The following ZRANB3 variants were observed in gnomAD, a reference collection of about 807,000 sequenced individuals.
ZRANB3 encodes DNA annealing helicase and endonuclease ZRANB3.
Under a neutral mutation model 133.8 loss-of-function variants are expected in ZRANB3, and 125 were observed. That is an observed-to-expected ratio of 0.93 (90% CI 0.81 to 1.08). The LOEUF is 1.08. Among genes scored for constraint, ZRANB3 ranks in the 50% least tolerant of loss-of-function variants. The probability of loss-of-function intolerance (pLI) is 0.00; values close to 1 mark genes in which losing one functional copy is unlikely to be tolerated. For synonymous variants in ZRANB3, 387 were observed against 432.7 expected (o/e 0.89, Z 1.31); for missense variants, 1,229 against 1,275.5 (o/e 0.96, Z 0.56).
chr2:135,470,308 A>C (rs1189404578), intron 2 of ZRANB3, among the ~76,000 whole-genome samples: 1 of 151,768 alleles, frequency 6.6e-6, no homozygotes, highest in African/African-American at 2.4e-5. Flanking sequence ...TGGGTGACAG[A>C]GTGAGACTCT....
chr2:135,346,242 G>A lies in ZRANB3; in HGVS notation c.592-607C>T, dbSNP rs538737530. Among the ~76,000 whole-genome samples the A allele has an allele frequency of 2.6e-5, 4 of 152,084 alleles. No individual in the cohort carries two copies. In the East Asian group the frequency reaches 5.8e-4, roughly 22 times the overall value. On this transcript the variant is annotated intron_variant, in intron 5 of 20. Coordinates refer to ENST00000264159, the MANE Select transcript of ZRANB3 (RefSeq NM_032143.4). The stretch of plus-strand genomic sequence containing the variant: ...CTCCCGAGTAGCTTGGAGTACAGAC[G>A]CCCACCACCATGCCCGGCTAATTTT...
Position 135,368,838 on chromosome 2 carries a change from A to T in ZRANB3, c.181-15210T>A, listed in dbSNP as rs186443197. Among the ~76,000 whole-genome samples, 21 of 152,208 alleles carry T rather than the reference A, an allele frequency of 1.4e-4. No individual in the cohort carries two copies. In the East Asian group the frequency reaches 3.9e-3, roughly 28 times the overall value. ...CCATGAATTAATGATCTATTATAAA[A>T]TAACCTAAAACGTAAATTTCAAATA... On this transcript the variant is annotated intron_variant, in intron 3 of 20. Coordinates refer to ENST00000264159, the MANE Select transcript of ZRANB3 (RefSeq NM_032143.4).
intron 8 of ZRANB3, among the ~76,000 whole-genome samples, chr2:135,291,595 T>A (rs930883457): frequency 5.9e-5 from 9 of 151,916 alleles, no homozygotes; most frequent in East Asian, 1.9e-4. Context: ...TTTATTTTTT[T>A]AATTTTATTA....
intron 2 of ZRANB3, among the ~76,000 whole-genome samples, chr2:135,434,159 A>G (rs80024439): frequency 0.19 from 29,017 of 152,130 alleles, 3,715 homozygotes; most frequent in African/African-American, 0.34. Flanking sequence ...GAGAGACTCC[A>G]TCTCAAAAAA....
chr2:135,236,989 C>G (rs561261197), intron 12 of ZRANB3, among the ~76,000 whole-genome samples: 1 of 152,130 alleles, frequency 6.6e-6, no homozygotes, highest in African/African-American at 2.4e-5. Context: ...AAACTACCAT[C>G]AGAGTGAACA....
chr2:135,444,392 T>C (rs560044095), intron 2 of ZRANB3, among the ~76,000 whole-genome samples: 2 of 152,256 alleles, frequency 1.3e-5, no homozygotes, highest in South Asian at 4.1e-4. Flanking sequence ...AGTAAATTTA[T>C]AAACAAAATG....
intron 8 of ZRANB3, among the ~76,000 whole-genome samples, chr2:135,288,113 T>C (rs1182747130): frequency 6.6e-6 from 1 of 152,192 alleles, no homozygotes; most frequent in Admixed American, 6.5e-5. Flanking sequence ...GTCCCCTCTA[T>C]GATGATTTGC....
chr2:135,472,513 A>C (rs1252288772), intron 2 of ZRANB3, among the ~76,000 whole-genome samples: 2 of 144,884 alleles, frequency 1.4e-5, no homozygotes, highest in African/African-American at 5.6e-5. Context: ...AAAAAAAAAA[A>C]AAAAAAACTC....
At chr2:135,320,860 C>T (rs1364547019) in intron 6 of ZRANB3, among the ~76,000 whole-genome samples, 2 of 152,194 alleles carry the variant, frequency 1.3e-5, no homozygotes, top group Admixed American at 1.3e-4. Context: ...CAGTTCTGCA[C>T]ATTCTGGAAT....
At chr2:135,315,739 T>A (rs948141563) in intron 6 of ZRANB3, among the ~76,000 whole-genome samples, 6 of 152,226 alleles carry the variant, frequency 3.9e-5, no homozygotes, top group Admixed American at 3.3e-4. Context: ...GATGTTAGTG[T>A]CTAAGCATAC....
chr2:135,390,739 A>G, intron 3 of ZRANB3, 63 bp downstream of exon 3: 1 of 1,546,938 alleles, frequency 6.5e-7, no homozygotes, highest in African/African-American at 1.4e-5. Flanking sequence ...CATGGAAAAT[A>G]GCAGACACTA....
At chr2:135,357,588 G>A (rs1226638091) in intron 3 of ZRANB3, among the ~76,000 whole-genome samples, 2 of 152,124 alleles carry the variant, frequency 1.3e-5, no homozygotes, top group Admixed American at 6.5e-5. Context: ...AAGCCACTGC[G>A]CCTTGCCAAG....
intron 1 of ZRANB3, among the ~76,000 whole-genome samples, chr2:135,524,127 C>T (rs1694055385): frequency 6.6e-6 from 1 of 151,654 alleles, no homozygotes; most frequent in Non-Finnish European, 1.5e-5. Context: ...GCTCTTGTTG[C>T]CCAGGCTGGA....
At chr2:135,394,524 A>G (rs1481436476) in intron 2 of ZRANB3, among the ~76,000 whole-genome samples, 1 of 152,118 alleles carries the variant, frequency 6.6e-6, no homozygotes, top group Non-Finnish European at 1.5e-5. Context: ...TATTTTAGTC[A>G]AGAGACTAGA....
chr2:135,462,790 G>A (rs910687336), intron 2 of ZRANB3, among the ~76,000 whole-genome samples: 6 of 151,768 alleles, frequency 4.0e-5, no homozygotes, highest in East Asian at 1.9e-4. Context: ...ACAGGGTTTC[G>A]CCATGTTGGC....
chr2:135,270,532 T>A (rs1281600984), intron 10 of ZRANB3, among the ~76,000 whole-genome samples: 1 of 152,192 alleles, frequency 6.6e-6, no homozygotes, highest in Non-Finnish European at 1.5e-5. Context: ...TTCTCCTACT[T>A]AGCACCTCCC....
chr2:135,490,042 T>C (rs1020037098), intron 2 of ZRANB3, among the ~76,000 whole-genome samples: 4 of 152,046 alleles, frequency 2.6e-5, no homozygotes, highest in African/African-American at 7.2e-5. Flanking sequence ...AGTACTGGAC[T>C]GCAAAAAATG....
At chr2:135,459,523 A>G (rs938442252) in intron 2 of ZRANB3, among the ~76,000 whole-genome samples, 5 of 152,228 alleles carry the variant, frequency 3.3e-5, no homozygotes, top group African/African-American at 1.2e-4. Flanking sequence ...AACAGAAGAA[A>G]TTAGGATTCT....
intron 13 of ZRANB3, among the ~76,000 whole-genome samples, chr2:135,229,626 C>G (rs1341287293): frequency 1.3e-5 from 2 of 152,118 alleles, no homozygotes; most frequent in African/African-American, 4.8e-5. Flanking sequence ...CTCGGCCTCC[C>G]AAAGTGCTGG....
Sources: allele counts gnomAD v4.1 joint callset (sites outside exome capture counted in the v4.1 genomes callset), GRCh38; gene constraint gnomAD v4.1.1; transcripts MANE v1.5; gene names NCBI Gene and HGNC (gene_info 2026-07-23, HGNC 2026-07-21).